Variants in CACNA1F observed in about 807,000 individuals in gnomAD.
The protein encoded by CACNA1F is calcium voltage-gated channel subunit alpha1 F.
CACNA1F carries 59 observed loss-of-function variants against 143.8 expected under a neutral mutation model. The ratio of observed to expected loss-of-function variants is 0.41; its 90% CI spans 0.33 to 0.51. CACNA1F has a LOEUF of 0.51. CACNA1F is among the 20% of genes least tolerant of loss of function. CACNA1F has a pLI of 0.22. For missense variants in CACNA1F, 1,411 were observed against 1,647.5 expected (o/e 0.86, Z 2.48); for synonymous variants, 643 against 649.1 (o/e 0.99, Z 0.14).
chrX:49,208,873 G>A, intron 42 of CACNA1F, 189 bp from the exon 43 acceptor site: 2 of 471,832 alleles, frequency 4.2e-6, no homozygotes, highest in Non-Finnish European at 7.5e-6. Context: ...GTCACCAGGC[G>A]GGAGTGCAGT....
rs1557108557 is a variant in CACNA1F, at chrX:49,220,578, C to T, written c.2335-54G>A. The T allele has an allele frequency of 8.3e-6, 8 of 963,236 alleles. No homozygotes were observed. The Admixed American group carries it at 1.8e-4, about 22-fold the overall frequency. 79.4% of individuals were successfully genotyped at this position (963,236 alleles called of 1,213,427 possible). A position where few individuals can be genotyped will look rare whatever the true frequency, so the allele number is the denominator to read the frequency against. On this transcript the variant is annotated intron_variant, in intron 18 of 47. Coordinates refer to ENST00000323022, the MANE Select transcript of CACNA1F (RefSeq NM_001256789.3). ...TGGTGAGGGAGACACAGGGAATGGA[C>T]ACAGGGGAGGCATGGAAGAAATGTA... is the stretch of plus-strand genomic sequence containing the variant.
chrX:49,215,234 A>G lies in CACNA1F; in HGVS notation c.3449T>C (p.Val1150Ala), dbSNP rs782025228. ...CELDKNQRQC[V>A]EYALKAQPLR... ...TGGCTGGGCCTTGAGGGCATATTCC[A>G]CACATTGACGCTGCATACCAGGGCA... Residue 1150 changes from valine to alanine, a missense_variant, in exon 29 of 48, where the codon GTG becomes GCG. Physicochemically the swap from Val to Ala is moderately conservative, Grantham distance 64. This residue lies in a region of CACNA1F where 950 missense variants were observed against 1,128.1 expected (regional missense o/e 0.84). Coordinates refer to ENST00000323022, the MANE Select transcript of CACNA1F (RefSeq NM_001256789.3). 31 of 1,210,557 alleles carry G rather than the reference A, an allele frequency of 2.6e-5. No individual in the cohort carries two copies. In the East Asian group the frequency reaches 9.2e-4, roughly 36 times the overall value.
Position 49,217,957 on chromosome X carries a change from T to C in CACNA1F, c.2977A>G (p.Met993Val). The change falls in exon 25 of 48, where the codon ATG becomes GTG. Residue 993 changes from methionine (M) to valine (V), a missense_variant. By Grantham distance (21) the Met-to-Val change is conservative. This residue lies in a region of CACNA1F where 950 missense variants were observed against 1,128.1 expected (regional missense o/e 0.84). Transcript: ENST00000323022. The stretch of plus-strand genomic sequence containing the variant: ...AATTGCAGAAGTGTGGTGACAATCA[T>C]GATGTTTCCGATGGTCCGGATGGCC... The part of the protein sequence containing the change: ...FVAIRTIGNI[M>V]IVTTLLQFMF... 3 of 1,210,893 alleles carry C rather than the reference T, an allele frequency of 2.5e-6. No homozygotes were observed. The highest frequency in any genetic ancestry group is 3.4e-6 in the Non-Finnish European group (3 of 895,031).
At chrX:49,222,284 T>C in intron 17 of CACNA1F, 1 of 407,814 alleles carries the variant, frequency 2.5e-6, no homozygotes, top group Non-Finnish European at 4.3e-6. Flanking sequence ...GTTAGTTCCA[T>C]GAAGGCAAGG....
chrX:49,220,960 A>C (rs2065769174), intron 18 of CACNA1F, 75 bp downstream of exon 18: 2 of 890,448 alleles, frequency 2.2e-6, no homozygotes, highest in Middle Eastern at 2.7e-4. Context: ...ACAACAACAA[A>C]AAAACAGATA....
Position 49,226,937 on chromosome X carries a change from G to A in CACNA1F, c.1276+33C>T, listed in dbSNP as rs1557110142. 1.7e-6 allele frequency: 2 copies of A among 1,209,465 alleles called. No homozygotes were observed. The highest frequency in any genetic ancestry group is 1.7e-5 in the African/African-American group (1 of 57,347). ...AATGGGCCAGATTGGAGTTGCCTAC[G>A]ATGGCCCGCCCGGCCCTCTTCAGCC... On this transcript the variant is annotated intron_variant, in intron 9 of 47. Coordinates refer to ENST00000323022, the MANE Select transcript of CACNA1F (RefSeq NM_001256789.3).
intron 39 of CACNA1F, 91 bp downstream of exon 39, chrX:49,210,210 G>A: frequency 4.1e-6 from 3 of 731,244 alleles, no homozygotes; most frequent in Non-Finnish European, 6.5e-6. Context: ...CCCATTCTGG[G>A]GTTCAGAGCT....
chrX:49,230,995 G>A lies in CACNA1F; in HGVS notation c.382-6C>T. 3 of 1,181,295 alleles carry A rather than the reference G, an allele frequency of 2.5e-6. No individual in the cohort carries two copies. The highest frequency in any genetic ancestry group is 3.4e-6 in the Non-Finnish European group (3 of 870,207). ...AATACGTACTCCACCTGCTCCTGGG[G>A]GTGGGACCGGGGGGCGGGTCGGGAA... On this transcript the variant is annotated splice_region_variant and splice_polypyrimidine_tract_variant and intron_variant, in intron 3 of 47. Coordinates refer to ENST00000323022, the MANE Select transcript of CACNA1F (RefSeq NM_001256789.3).
intron 3 of CACNA1F, 79 bp downstream of exon 3, chrX:49,231,123 G>A: frequency 1.2e-6 from 1 of 817,736 alleles, no homozygotes; most frequent in Non-Finnish European, 1.8e-6. Flanking sequence ...TCAGAGAGGG[G>A]GCGGGGTCTG....
Position 49,231,188 on chromosome X carries a change from G to A in CACNA1F, c.381+14C>T. The A allele has an allele frequency of 3.7e-6, 4 of 1,090,884 alleles. No homozygotes were observed. Among genetic ancestry groups the A allele is most frequent in the South Asian group, 2.0e-5 (1 of 51,047 alleles). 89.9% of individuals were successfully genotyped at this position (1,090,884 alleles called of 1,213,427 possible). ...TATTTGGCTGGGAACTGGCTGGGGCGGGGCGGGCCTTACCAGGTTGTGGTT... is the reference window on the plus strand; with the variant it reads ...TATTTGGCTGGGAACTGGCTGGGGCAGGGCGGGCCTTACCAGGTTGTGGTT... On this transcript the variant is annotated intron_variant, in intron 3 of 47. Transcript: ENST00000323022.
rs2065876935 is a variant in CACNA1F at position 49,231,318 on chromosome X, C to A, written c.276-11G>T. The A allele has an allele frequency of 8.2e-6, 9 of 1,102,608 alleles. No individual in the cohort carries two copies. The highest frequency in any genetic ancestry group is 9.8e-6 in the Non-Finnish European group (8 of 815,204). The allele number at this position is 1,102,608 out of a possible 1,213,427, so 90.9% of individuals were successfully genotyped here. On this transcript the variant is annotated splice_polypyrimidine_tract_variant and intron_variant, in intron 2 of 47. Transcript: ENST00000323022. The stretch of plus-strand genomic sequence containing the variant: ...AGGATGTCGAAGGGCCTCAGGTGGA[C>A]ACAGTCAAGGACCCTGGCAGAGTGG...
intron 34 of CACNA1F, 84 bp downstream of exon 34, chrX:49,212,159 C>T: frequency 1.1e-6 from 1 of 900,564 alleles, no homozygotes; most frequent in Non-Finnish European, 1.6e-6. Flanking sequence ...TGTCTACCTG[C>T]CACCCCTACT....
chrX:49,205,987 T>A (rs1361232983), intron 46 of CACNA1F, among the ~76,000 whole-genome samples, 174 bp from the exon 47 acceptor site: 1 of 111,928 alleles, frequency 8.9e-6, no homozygotes, highest in Admixed American at 9.5e-5. Flanking sequence ...GGTTTAAATG[T>A]CAGCTCTGCC....
chrX:49,219,049 C>T (rs1480681782), intron 21 of CACNA1F, 108 bp from the exon 22 acceptor site: 4 of 707,690 alleles, frequency 5.7e-6, no homozygotes, highest in Admixed American at 2.6e-5. Context: ...AAATTTGGAC[C>T]CTTCTGCCTC....
rs1557108659 is a variant in CACNA1F at position 49,221,015 on chromosome X, T to C, written c.2334+20A>G. On this transcript the variant is annotated intron_variant, in intron 18 of 47. Coordinates refer to ENST00000323022, the MANE Select transcript of CACNA1F (RefSeq NM_001256789.3). ...TGGTGGGAGTGGGAGGTGTAGACAG[T>C]GCCCAGGCATCTAACTCACCAGGCC... 3 of 1,179,781 alleles carry C rather than the reference T, an allele frequency of 2.5e-6. No individual in the cohort carries two copies. Among genetic ancestry groups the C allele is most frequent in the Non-Finnish European group, 3.5e-6 (3 of 866,178 alleles).
At chrX:49,231,973 T>C (rs2065883772) in intron 1 of CACNA1F, 46 bp from the exon 2 acceptor site, 20 of 1,119,032 alleles carry the variant, frequency 1.8e-5, no homozygotes, top group East Asian at 3.3e-5. Flanking sequence ...ATTGGGGCAA[T>C]TGTGGCTGCT....
At chrX:49,206,053 G>A (rs2065592242) in intron 46 of CACNA1F, among the ~76,000 whole-genome samples, 2 of 111,492 alleles carry the variant, frequency 1.8e-5, no homozygotes, top group South Asian at 7.5e-4. Context: ...TTCCTCACAA[G>A]TACAGTGAGC....
Position 49,218,004 on chromosome X carries a change from T to C in CACNA1F, c.2930A>G (p.His977Arg). Residue 977 changes from histidine to arginine, a missense_variant and splice_region_variant, in exon 25 of 48, where the codon CAT (histidine) becomes CGT (arginine). By Grantham distance (29) the His-to-Arg change is conservative. Coordinates refer to ENST00000323022, the MANE Select transcript of CACNA1F (RefSeq NM_001256789.3). ...GGCCACAAATACACACTGCACCACA[T>C]GCTGCGGGCACCCAAGCATATGGCT... is the stretch of plus-strand genomic sequence containing the variant. ...RAINRAKGLK[H>R]VVQCVFVAIR... The C allele has an allele frequency of 1.7e-6, 2 of 1,194,728 alleles. No individual in the cohort carries two copies. The highest frequency in any genetic ancestry group is 4.3e-5 in the Admixed American group (2 of 45,987).
Position 49,206,513 on chromosome X carries a change from G to A in CACNA1F, c.5470C>T (p.Gln1824Ter). 8.4e-7 allele frequency: 1 copy of A among 1,184,678 alleles called. No homozygotes were observed. ...CAGCACCACCTCCACAGCCTCACCT[G>A]AGCCCTATTGGGCCCTGAATTTCGC... The part of the protein sequence containing the change: ...RGRNSGPNRA[Q>*]GSWATPPQRG... The change falls in exon 46 of 48, where the codon CAG (glutamine) becomes TAG (stop). Residue 1824 changes from glutamine (Q) to a stop codon, truncating the protein, a stop_gained and splice_region_variant. Transcript: ENST00000323022. LOFTEE classifies it high-confidence loss of function.
Sources: allele counts gnomAD v4.1 joint callset (sites outside exome capture counted in the v4.1 genomes callset), GRCh38; gene constraint gnomAD v4.1.1; regional missense constraint gnomAD v4.1.1; transcripts MANE v1.5; gene names NCBI Gene and HGNC (gene_info 2026-07-23, HGNC 2026-07-21).